UBA6: variants seen among roughly 807,000 people sequenced by gnomAD.
UBA6 encodes the protein ubiquitin-like modifier-activating enzyme 6.
A neutral mutation model predicts 148.3 loss-of-function variants in UBA6; 87 were observed. That is an observed-to-expected ratio of 0.59 (90% CI 0.49 to 0.70). The LOEUF (loss-of-function observed/expected upper bound fraction) is 0.70, where lower values mean the gene tolerates loss of function less well. Among genes scored for constraint, UBA6 ranks in the 30% least tolerant of loss-of-function variants. UBA6 has a pLI of 0.00. For missense variants in UBA6, 1,186 were observed against 1,241.2 expected (o/e 0.96, Z 0.67); for synonymous variants, 376 against 401.0 (o/e 0.94, Z 0.75).
At chr4:67,674,328 C>T (rs866998279) in intron 6 of UBA6, among the ~76,000 whole-genome samples, 4 of 152,112 alleles carry the variant, frequency 2.6e-5, no homozygotes, top group Admixed American at 2.0e-4. Flanking sequence ...AGGCCCTTAC[C>T]GCTCTTTACT....
rs555345547 is a variant in UBA6, at chr4:67,637,014, G to C, written c.1737-1456C>G. Among the ~76,000 whole-genome samples, 20 of 150,960 alleles carry C rather than the reference G, an allele frequency of 1.3e-4. No individual in the cohort carries two copies. The East Asian group carries it at 3.5e-3, about 27-fold the overall frequency. ...CGCCTCTGCCCCACCGCCCCATCTG[G>C]GATGTGAGGAGCGCCTCTGCCCGGC... On this transcript the variant is annotated intron_variant, in intron 19 of 32. Coordinates refer to ENST00000322244, the MANE Select transcript of UBA6 (RefSeq NM_018227.6).
chr4:67,697,355 G>A (rs1730865785), intron 1 of UBA6, among the ~76,000 whole-genome samples: 1 of 152,182 alleles, frequency 6.6e-6, no homozygotes, highest in Non-Finnish European at 1.5e-5. Flanking sequence ...TCTGTACCAT[G>A]AACTTTCTCT....
Position 67,615,608 on chromosome 4 carries a change from T to G in UBA6, c.*3389A>C, listed in dbSNP as rs1286007600. The G allele has an allele frequency of 6.6e-6, 1 of 152,246 alleles. No homozygotes were observed. Among genetic ancestry groups the G allele is most frequent in the Non-Finnish European group, 1.5e-5 (1 of 68,056 alleles). 9.4% of individuals were successfully genotyped at this position (152,246 alleles called of 1,614,324 possible). On this transcript the variant is annotated 3_prime_UTR_variant, in exon 33 of 33. Coordinates refer to ENST00000322244, the MANE Select transcript of UBA6 (RefSeq NM_018227.6). Reference sequence around the variant, plus strand: ...ATGATGTTCATTGTGAAACTGTAATTGCCTGAAACTAAAAACATCCCAATT... The same window carrying G: ...ATGATGTTCATTGTGAAACTGTAATGGCCTGAAACTAAAAACATCCCAATT...
chr4:67,639,584 A>AATAT (rs1560483136), intron 18 of UBA6, among the ~76,000 whole-genome samples: 2 of 152,080 alleles, frequency 1.3e-5, no homozygotes, highest in African/African-American at 4.8e-5. Flanking sequence ...TTATTTCTGG[A>AATAT]TGGAAATATT....
At chr4:67,645,338 C>A (rs1357003190) in intron 16 of UBA6, among the ~76,000 whole-genome samples, 1 of 152,160 alleles carries the variant, frequency 6.6e-6, no homozygotes, top group East Asian at 1.9e-4. Flanking sequence ...AGGTGGCTCA[C>A]ACCTGTAATC....
Position 67,679,386 on chromosome 4 carries a change from A to G in UBA6, c.259-853T>C, listed in dbSNP as rs560792751. Reference sequence around the variant, plus strand: ...AATCTGACTTTGAATCATAAATCTCACATAATAGTAAAACTAAATTTTTTA... The same window carrying G: ...AATCTGACTTTGAATCATAAATCTCGCATAATAGTAAAACTAAATTTTTTA... On this transcript the variant is annotated intron_variant, in intron 4 of 32. Transcript: ENST00000322244. 7.9e-5 allele frequency among the ~76,000 whole-genome samples: 12 copies of G among 152,272 alleles called. No homozygotes were observed. In the South Asian group the frequency reaches 2.5e-3, roughly 32 times the overall value.
rs757428006 is a variant in UBA6, at chr4:67,613,860, T to C, written c.*5137A>G. 4 of 152,336 alleles carry C rather than the reference T, an allele frequency of 2.6e-5. No individual in the cohort carries two copies. Among genetic ancestry groups the C allele is most frequent in the Non-Finnish European group, 5.9e-5 (4 of 68,024 alleles). The allele number at this position is 152,336 out of a possible 1,614,324, so 9.4% of individuals were successfully genotyped here. A position where few individuals can be genotyped will look rare whatever the true frequency, so the allele number is the denominator to read the frequency against. On this transcript the variant is annotated 3_prime_UTR_variant, in exon 33 of 33. Transcript: ENST00000322244. ...AACAAGAAAGAAAATCAAAATATTTTACCCCGAAATATGTTTCTCTGCCAT... is the reference window on the plus strand; with the variant it reads ...AACAAGAAAGAAAATCAAAATATTTCACCCCGAAATATGTTTCTCTGCCAT...
intron 25 of UBA6, among the ~76,000 whole-genome samples, chr4:67,631,100 C>T (rs1055615702): frequency 6.6e-6 from 1 of 152,082 alleles, no homozygotes; most frequent in South Asian, 2.1e-4. Context: ...GTGGTATGCA[C>T]CTGTAATCCC....
At chr4:67,644,557 A>C (rs1729376625) in intron 17 of UBA6, 141 bp downstream of exon 17, 1 of 585,728 alleles carries the variant, frequency 1.7e-6, no homozygotes, top group African/African-American at 1.9e-5. Flanking sequence ...AAGTGGTCAG[A>C]AGGGCATGAC....
Position 67,614,734 on chromosome 4 carries a change from T to C in UBA6, c.*4263A>G, listed in dbSNP as rs893109961. ...TTCCTAGTACTTAACCATTAATAAATTGTTTTTATCAAAGAACATCATAAG... is the reference window on the plus strand; with the variant it reads ...TTCCTAGTACTTAACCATTAATAAACTGTTTTTATCAAAGAACATCATAAG... On this transcript the variant is annotated 3_prime_UTR_variant, in exon 33 of 33. Transcript: ENST00000322244. 5 of 152,144 alleles carry C rather than the reference T, an allele frequency of 3.3e-5. No homozygotes were observed. The highest frequency in any genetic ancestry group is 4.4e-5 in the Non-Finnish European group (3 of 68,028). 9.4% of individuals were successfully genotyped at this position (152,144 alleles called of 1,614,324 possible). A position where few individuals can be genotyped will look rare whatever the true frequency, so the allele number is the denominator to read the frequency against.
chr4:67,665,032 T>C (rs1405915400), intron 10 of UBA6, among the ~76,000 whole-genome samples, 157 bp downstream of exon 10: 1 of 152,114 alleles, frequency 6.6e-6, no homozygotes, highest in East Asian at 1.9e-4. Context: ...ATTAGATTAA[T>C]TCCATTTCCC....
intron 13 of UBA6, among the ~76,000 whole-genome samples, chr4:67,652,864 G>T (rs551658544): frequency 6.6e-6 from 1 of 152,350 alleles, no homozygotes; most frequent in Admixed American, 6.5e-5. Context: ...CGGCAGACCA[G>T]GAGATTCTCT....
At chr4:67,658,433 A>C (rs980678661) in intron 13 of UBA6, among the ~76,000 whole-genome samples, 23 of 152,194 alleles carry the variant, frequency 1.5e-4, no homozygotes, top group Non-Finnish European at 5.9e-5. Flanking sequence ...AAACTGTAGT[A>C]CATCTACACA....
intron 1 of UBA6, among the ~76,000 whole-genome samples, chr4:67,698,500 A>T (rs2109964252): frequency 6.6e-6 from 1 of 152,330 alleles, no homozygotes; most frequent in Middle Eastern, 3.4e-3. Flanking sequence ...ATCTCCAACG[A>T]ACAGATGGAA....
intron 13 of UBA6, among the ~76,000 whole-genome samples, chr4:67,650,457 A>G (rs987030905): frequency 2.0e-5 from 3 of 152,144 alleles, no homozygotes; most frequent in African/African-American, 7.2e-5. Context: ...AAATTTTGGG[A>G]ATTTTTGGTT....
At position 67,619,203 on chromosome 4, in the gene UBA6, G is replaced by A. The variant is rs1171817998; in HGVS notation, c.3024-71C>T. ...ATGAAAAAATGATTTGCTGACTAATGCCATCCAGAGAACCTGGACTTGTAT... is the reference window on the plus strand; with the variant it reads ...ATGAAAAAATGATTTGCTGACTAATACCATCCAGAGAACCTGGACTTGTAT... On this transcript the variant is annotated intron_variant, in intron 32 of 32. Transcript: ENST00000322244. The A allele has an allele frequency of 4.3e-6, 5 of 1,166,996 alleles. No individual in the cohort carries two copies. In the African/African-American group the frequency reaches 4.6e-5, roughly 11 times the overall value. The allele number at this position is 1,166,996 out of a possible 1,614,324, so 72.3% of individuals were successfully genotyped here. A position where few individuals can be genotyped will look rare whatever the true frequency, so the allele number is the denominator to read the frequency against.
intron 2 of UBA6, among the ~76,000 whole-genome samples, chr4:67,693,140 T>G (rs1251401194): frequency 4.6e-5 from 7 of 152,148 alleles, no homozygotes; most frequent in Non-Finnish European, 1.0e-4. Context: ...CTTTTGATTC[T>G]GCCACCCCTA....
intron 19 of UBA6, among the ~76,000 whole-genome samples, chr4:67,637,086 G>A (rs1262094627): frequency 3.4e-5 from 5 of 147,372 alleles, no homozygotes; most frequent in South Asian, 2.2e-4. Context: ...CTGCCGCCCC[G>A]TCTGAGAAGT....
intron 6 of UBA6, among the ~76,000 whole-genome samples, chr4:67,677,252 G>A (rs1730303489): frequency 6.6e-6 from 1 of 152,170 alleles, no homozygotes; most frequent in Non-Finnish European, 1.5e-5. Flanking sequence ...AGAGACACAT[G>A]GGGGAGAACC....
Sources: gnomAD v4.1 joint callset for allele counts (sites outside exome capture counted in the v4.1 genomes callset) on GRCh38, gnomAD v4.1.1 for gene constraint, MANE v1.5 for transcripts, NCBI Gene and HGNC (gene_info 2026-07-23, HGNC 2026-07-21) for gene names.